Variants in AJAP1 observed in about 807,000 individuals in gnomAD.
AJAP1 encodes the protein adherens junctions associated protein 1, also known as adherens junction-associated protein 1.
Under a neutral mutation model 35.0 loss-of-function variants are expected in AJAP1, and 5 were observed. The observed-to-expected ratio is 0.14, with a 90% CI of 0.07 to 0.30. AJAP1 has a LOEUF of 0.30. AJAP1 is among the 10% of genes least tolerant of loss of function. The pLI is 1.00. For synonymous variants in AJAP1, 284 were observed against 249.3 expected (o/e 1.14, Z -1.31); for missense variants, 586 against 571.0 (o/e 1.03, Z -0.27).
chr1:4,768,399 A>G (rs1641742138), intron 2 of AJAP1, among the ~76,000 whole-genome samples: 1 of 152,260 alleles, frequency 6.6e-6, no homozygotes, highest in African/African-American at 2.4e-5. Context: ...AGGGGGAAAC[A>G]GGAAGACAAA....
intron 1 of AJAP1, among the ~76,000 whole-genome samples, chr1:4,690,062 A>G (rs1639704571): frequency 6.6e-6 from 1 of 151,908 alleles, no homozygotes; most frequent in Non-Finnish European, 1.5e-5. Context: ...CCAACGATGG[A>G]TGCATTTCCC....
chr1:4,705,701 A>G (rs973955012), intron 1 of AJAP1, among the ~76,000 whole-genome samples: 1 of 152,050 alleles, frequency 6.6e-6, no homozygotes, highest in Non-Finnish European at 1.5e-5. Flanking sequence ...CAATCAATCA[A>G]TGAAGAGGAG....
chr1:4,774,372 CAT>C lies in AJAP1; in HGVS notation c.1164-54_1164-53del, dbSNP rs1641901091. The C allele has an allele frequency of 1.9e-6, 3 of 1,541,812 alleles. 1 individual carries two copies. The highest frequency in any genetic ancestry group is 2.2e-5 in the South Asian group (2 of 89,574). On this transcript the variant is annotated intron_variant, in intron 4 of 5. Transcript: ENST00000378191. ...CACAGGCCTGCCCCGGCTTGCCTAT[CAT>C]GTGTCATGGTCAAGTACCAGCACGC...
intron 2 of AJAP1, among the ~76,000 whole-genome samples, chr1:4,756,843 T>A (rs1167453996): frequency 1.3e-5 from 2 of 152,080 alleles, no homozygotes. Context: ...TCCTTGTGGG[T>A]TTTCCCAGAA....
chr1:4,765,998 C>T (rs1390024733), intron 2 of AJAP1, among the ~76,000 whole-genome samples: 1 of 152,178 alleles, frequency 6.6e-6, no homozygotes, highest in Non-Finnish European at 1.5e-5. Flanking sequence ...ATCCTTCAAA[C>T]TAAAAGATTG....
chr1:4,682,294 T>C (rs964267565), intron 1 of AJAP1, among the ~76,000 whole-genome samples: 3 of 152,200 alleles, frequency 2.0e-5, no homozygotes, highest in Non-Finnish European at 2.9e-5. Flanking sequence ...AAATAATAGC[T>C]CCCTGATCTC....
chr1:4,664,140 C>T (rs944453003), intron 1 of AJAP1, among the ~76,000 whole-genome samples: 1 of 152,184 alleles, frequency 6.6e-6, no homozygotes, highest in East Asian at 1.9e-4. Flanking sequence ...TGAATTTCCC[C>T]AGGCCACACA....
intron 2 of AJAP1, among the ~76,000 whole-genome samples, chr1:4,752,581 C>A (rs1265065489): frequency 6.6e-6 from 1 of 152,060 alleles, no homozygotes; most frequent in African/African-American, 2.4e-5. Flanking sequence ...CAGGAGGGAG[C>A]CCAGCACAGC....
At chr1:4,669,664 C>A (rs934896179) in intron 1 of AJAP1, among the ~76,000 whole-genome samples, 3 of 152,182 alleles carry the variant, frequency 2.0e-5, no homozygotes, top group Admixed American at 6.5e-5. Context: ...CCACATCATA[C>A]AATATGTAAC....
Position 4,654,684 on chromosome 1 carries a change from C to G in AJAP1, c.-742C>G, listed in dbSNP as rs1345134243. The G allele has an allele frequency of 6.8e-6, 1 of 146,508 alleles. No individual in the cohort carries two copies. The highest frequency in any genetic ancestry group is 1.5e-5 in the Non-Finnish European group (1 of 65,852). The allele number at this position is 146,508 out of a possible 1,614,324, so 9.1% of individuals were successfully genotyped here. A position where few individuals can be genotyped will look rare whatever the true frequency, so the allele number is the denominator to read the frequency against. The stretch of plus-strand genomic sequence containing the variant: ...GCGGTGGGCGCGGGCGGCGGGGCCC[C>G]GGGATCCCCGCGCGCCTCCTCCGCG... On this transcript the variant is annotated 5_prime_UTR_variant, in exon 1 of 6. Coordinates refer to ENST00000378191, the MANE Select transcript of AJAP1 (RefSeq NM_018836.4). The surrounding 1 kb of genome is among the most constrained non-coding windows in gnomAD (Gnocchi z 5.1).
intron 1 of AJAP1, among the ~76,000 whole-genome samples, chr1:4,710,006 G>A (rs918890998): frequency 6.6e-6 from 1 of 152,190 alleles, no homozygotes; most frequent in Non-Finnish European, 1.5e-5. Context: ...CCCCAGGGAT[G>A]CGTTCACACA....
At chr1:4,748,679 C>T (rs949487073) in intron 2 of AJAP1, among the ~76,000 whole-genome samples, 1 of 145,262 alleles carries the variant, frequency 6.9e-6, no homozygotes, top group African/African-American at 2.6e-5. Context: ...ACTGGGGAGG[C>T]TGAGGTTGCA....
chr1:4,687,346 C>T (rs778599275), intron 1 of AJAP1, among the ~76,000 whole-genome samples: 3 of 152,140 alleles, frequency 2.0e-5, no homozygotes, highest in South Asian at 2.1e-4. Flanking sequence ...TTGGAGATAA[C>T]GTTCCCTTAA....
At position 4,712,469 on chromosome 1, in the gene AJAP1, T is replaced by C; in HGVS notation, c.599T>C (p.Val200Ala). ...CTGGAGTCCAACACATTTCCGGGCG[T>C]TTACGGCCCCACCACGGTCTCCATC... is the stretch of plus-strand genomic sequence containing the variant. ...EALESNTFPG[V>A]YGPTTVSILQ... Residue 200 changes from valine to alanine, a missense_variant, in exon 2 of 6, where the codon GTT becomes GCT. Coordinates refer to ENST00000378191, the MANE Select transcript of AJAP1 (RefSeq NM_018836.4). 6.2e-7 allele frequency: 1 copy of C among 1,611,400 alleles called. No individual in the cohort carries two copies. Among genetic ancestry groups the C allele is most frequent in the Non-Finnish European group, 8.5e-7 (1 of 1,179,096 alleles).
chr1:4,750,511 C>G (rs899615118), intron 2 of AJAP1, among the ~76,000 whole-genome samples: 9 of 152,104 alleles, frequency 5.9e-5, no homozygotes, highest in African/African-American at 2.2e-4. Flanking sequence ...GAGCAGTGCC[C>G]TCTGCCAGGC....
intron 1 of AJAP1, among the ~76,000 whole-genome samples, chr1:4,675,944 G>A (rs1043897664): frequency 2.0e-5 from 3 of 152,234 alleles, no homozygotes; most frequent in Admixed American, 6.5e-5. Context: ...GAGAAGCTGC[G>A]TGGAGTCTGC....
rs1642257661 is a variant in AJAP1 at position 4,792,184 on chromosome 1, GTATATC to G, written c.*9704_*9709del. The G allele has an allele frequency of 6.6e-6, 1 of 151,816 alleles. No individual in the cohort carries two copies. Among genetic ancestry groups the G allele is most frequent in the South Asian group, 2.1e-4 (1 of 4,804 alleles). 9.4% of individuals were successfully genotyped at this position (151,816 alleles called of 1,614,324 possible). ...AAGCCTCTCTGTTTTCATGTTCTCC[GTATATC>G]TATACCACAGCTGTCTCTATAGACG... On this transcript the variant is annotated 3_prime_UTR_variant, in exon 6 of 6. Transcript: ENST00000378191.
Position 4,789,441 on chromosome 1 carries a change from T to C in AJAP1, c.*6956T>C, listed in dbSNP as rs1188199508. ...TTGGACTGTAGGAAATTCTCCTTTA[T>C]ACAAGTTAATTAGTTTTGTCTCTGG... On this transcript the variant is annotated 3_prime_UTR_variant, in exon 6 of 6. Transcript: ENST00000378191. The surrounding 1 kb of genome is among the most constrained non-coding windows in gnomAD (Gnocchi z 4.4). 6.6e-6 allele frequency: 1 copy of C among 152,238 alleles called. No individual in the cohort carries two copies. Among genetic ancestry groups the C allele is most frequent in the Non-Finnish European group, 1.5e-5 (1 of 68,046 alleles). 9.4% of individuals were successfully genotyped at this position (152,238 alleles called of 1,614,324 possible). A position where few individuals can be genotyped will look rare whatever the true frequency, so the allele number is the denominator to read the frequency against.
At chr1:4,711,482 C>T (rs1181051882) in intron 1 of AJAP1, among the ~76,000 whole-genome samples, 2 of 152,230 alleles carry the variant, frequency 1.3e-5, no homozygotes, top group East Asian at 1.9e-4. Context: ...TGCTGCCATC[C>T]TCTCACTTAC....
Sources: gnomAD v4.1 joint callset for allele counts (sites outside exome capture counted in the v4.1 genomes callset) on GRCh38, gnomAD v4.1.1 for gene constraint, Gnocchi (gnomAD v3.1) non-coding constraint, MANE v1.5 for transcripts, NCBI Gene and HGNC (gene_info 2026-07-23, HGNC 2026-07-21) for gene names.